TBC1D22A: variants seen among roughly 807,000 people sequenced by gnomAD.
TBC1D22A encodes putative GTPase activator.
TBC1D22A carries 38 observed loss-of-function variants against 60.2 expected under a neutral mutation model. The ratio of observed to expected loss-of-function variants is 0.63; its 90% confidence interval spans 0.49 to 0.83. The LOEUF (loss-of-function observed/expected upper bound fraction) is 0.83. TBC1D22A is among the 40% of genes least tolerant of loss of function. The probability of loss-of-function intolerance (pLI) is 0.00; values close to 1 mark genes in which losing one functional copy is unlikely to be tolerated. For synonymous variants in TBC1D22A, 302 were observed against 281.7 expected, an observed-to-expected ratio of 1.07 and a Z score of -0.72; for missense variants, 628 against 701.0, an observed-to-expected ratio of 0.90 and a Z score of 1.18.
chr22:46,904,131 CTAT>C lies in TBC1D22A; in HGVS notation c.901-7942_901-7940del, dbSNP rs1569199484. Among the ~76,000 whole-genome samples, 22 of 108,506 alleles carry C rather than the reference CTAT, an allele frequency of 2.0e-4. 1 individual carries two copies. Among genetic ancestry groups the C allele is most frequent in the East Asian group, 8.4e-4 (3 of 3,556 alleles). The allele number at this position is 108,506 out of a possible 152,430, so 71.2% of individuals were successfully genotyped here. A position where few individuals can be genotyped will look rare whatever the true frequency, so the allele number is the denominator to read the frequency against. ...TCTATCTATCTATCTATCTATCTATCTATCTATCTATCTACCTACCTACCTACC... is the reference window on the plus strand; with the variant it reads ...TCTATCTATCTATCTATCTATCTATCCTATCTATCTACCTACCTACCTACC... On this transcript the variant is annotated intron_variant, in intron 7 of 12. Transcript: ENST00000337137.
chr22:47,053,699 T>G (rs1569394944), intron 11 of TBC1D22A, among the ~76,000 whole-genome samples: 2 of 152,210 alleles, frequency 1.3e-5, no homozygotes, highest in Admixed American at 1.3e-4. Context: ...CTGAGAAACA[T>G]CATTAGTAAT....
At chr22:46,811,827 C>A (rs1380863569) in intron 4 of TBC1D22A, among the ~76,000 whole-genome samples, 1 of 152,096 alleles carries the variant, frequency 6.6e-6, no homozygotes, top group Admixed American at 6.5e-5. Flanking sequence ...AGGTCTGGCC[C>A]GCCAGGTGAA....
At chr22:46,964,596 A>T (rs1040571474) in intron 8 of TBC1D22A, among the ~76,000 whole-genome samples, 2 of 152,148 alleles carry the variant, frequency 1.3e-5, no homozygotes, top group African/African-American at 4.8e-5. Flanking sequence ...TATAATATAC[A>T]TGGACCGTCT....
intron 11 of TBC1D22A, among the ~76,000 whole-genome samples, chr22:47,069,510 A>G (rs1033123473): frequency 1.3e-5 from 2 of 152,196 alleles, no homozygotes; most frequent in African/African-American, 2.4e-5. Context: ...GAGTCTTGGC[A>G]TGGTGCAAGT....
intron 8 of TBC1D22A, among the ~76,000 whole-genome samples, chr22:46,941,785 A>G (rs1182907575): frequency 1.1e-4 from 15 of 138,850 alleles, no homozygotes; most frequent in Admixed American, 3.7e-4. Flanking sequence ...TACGGAATAT[A>G]TATAGAATAT....
At chr22:46,856,610 A>C (rs544788174) in intron 4 of TBC1D22A, among the ~76,000 whole-genome samples, 3 of 152,332 alleles carry the variant, frequency 2.0e-5, no homozygotes, top group Non-Finnish European at 4.4e-5. Context: ...GTGACTAACA[A>C]ATGATTAGGG....
chr22:46,774,080 G>A (rs1459047753), intron 1 of TBC1D22A: 3 of 985,410 alleles, frequency 3.0e-6, no homozygotes, highest in South Asian at 4.7e-5. Context: ...TGTTCCTCCC[G>A]CCCCCGCACC....
At chr22:46,866,363 C>T (rs887411572) in intron 4 of TBC1D22A, among the ~76,000 whole-genome samples, 2 of 152,134 alleles carry the variant, frequency 1.3e-5, no homozygotes, top group Non-Finnish European at 2.9e-5. Context: ...CCGCAGCCTC[C>T]CAAAGTGCTG....
intron 5 of TBC1D22A, among the ~76,000 whole-genome samples, chr22:46,888,471 G>A (rs1484801478): frequency 1.1e-5 from 1 of 90,338 alleles, no homozygotes; most frequent in African/African-American, 3.1e-5. Flanking sequence ...GATTCACCCA[G>A]TGAAAGCTTG....
intron 8 of TBC1D22A, among the ~76,000 whole-genome samples, chr22:46,948,283 T>C (rs1020384843): frequency 6.6e-6 from 1 of 152,238 alleles, no homozygotes; most frequent in Non-Finnish European, 1.5e-5. Flanking sequence ...CAGACCTTTT[T>C]CCCCTTTGTT....
chr22:47,165,526 G>A (rs961652504), intron 12 of TBC1D22A, among the ~76,000 whole-genome samples: 3 of 148,540 alleles, frequency 2.0e-5, no homozygotes, highest in Admixed American at 2.0e-4. Flanking sequence ...CTCTGGAGCA[G>A]GCATGTCGCC....
At chr22:47,014,590 CACTT>C (rs1471555949) in intron 10 of TBC1D22A, among the ~76,000 whole-genome samples, 2 of 152,264 alleles carry the variant, frequency 1.3e-5, no homozygotes, top group Non-Finnish European at 2.9e-5. Flanking sequence ...TCCTTCACCT[CACTT>C]ACTTCTCACG....
At chr22:47,114,792 A>G (rs1199839086) in intron 12 of TBC1D22A, among the ~76,000 whole-genome samples, 1 of 152,120 alleles carries the variant, frequency 6.6e-6, no homozygotes, top group Non-Finnish European at 1.5e-5. Context: ...TCCCAGAAGA[A>G]AGGCAGAGAC....
intron 8 of TBC1D22A, among the ~76,000 whole-genome samples, chr22:46,931,296 G>A (rs1014822098): frequency 2.6e-5 from 4 of 152,198 alleles, no homozygotes; most frequent in African/African-American, 9.7e-5. Context: ...TTCCTTCAGA[G>A]AACAAGTTCT....
chr22:47,098,062 GAAAA>G (rs922368895), intron 11 of TBC1D22A, among the ~76,000 whole-genome samples: 1 of 141,600 alleles, frequency 7.1e-6, no homozygotes, highest in Non-Finnish European at 1.6e-5. Context: ...ACGTAGTAAA[GAAAA>G]AAAAAAGAAA....
chr22:46,888,450 C>T lies in TBC1D22A; in HGVS notation c.709-2816C>T, dbSNP rs117201530. On this transcript the variant is annotated intron_variant, in intron 5 of 12. Coordinates refer to ENST00000337137, the MANE Select transcript of TBC1D22A (RefSeq NM_014346.5). Reference sequence around the variant, plus strand: ...GGATGTATTTGTTCATTCAGTCACTCGTTCATATGTGATTCACCCAGTGAA... The same window carrying T: ...GGATGTATTTGTTCATTCAGTCACTTGTTCATATGTGATTCACCCAGTGAA... 3.0e-4 allele frequency among the ~76,000 whole-genome samples: 45 copies of T among 149,548 alleles called. No individual in the cohort carries two copies. The East Asian group carries it at 8.8e-3, about 29-fold the overall frequency.
chr22:46,938,264 C>T (rs1052189489), intron 8 of TBC1D22A, among the ~76,000 whole-genome samples: 3 of 152,234 alleles, frequency 2.0e-5, no homozygotes, highest in Non-Finnish European at 2.9e-5. Context: ...AGATATGTTT[C>T]GATACACAAA....
At chr22:46,916,350 A>C (rs560902948) in intron 8 of TBC1D22A, among the ~76,000 whole-genome samples, 1 of 152,288 alleles carries the variant, frequency 6.6e-6, no homozygotes, top group African/African-American at 2.4e-5. Context: ...TTAGGGTTCG[A>C]TGGGTCTCCA....
At chr22:46,766,290 C>T (rs546113825) in intron 1 of TBC1D22A, among the ~76,000 whole-genome samples, 2 of 152,184 alleles carry the variant, frequency 1.3e-5, no homozygotes, top group South Asian at 4.1e-4. Flanking sequence ...AGCCACTGTG[C>T]CCGGCAATTT....
Sources: gnomAD v4.1 joint callset for allele counts (sites outside exome capture counted in the v4.1 genomes callset) on GRCh38, gnomAD v4.1.1 for gene constraint, MANE v1.5 for transcripts, NCBI Gene and HGNC (gene_info 2026-07-23, HGNC 2026-07-21) for gene names.